Variants in CIART observed in about 807,000 individuals in gnomAD.
The protein encoded by CIART is circadian associated repressor of transcription.
In CIART, 7 loss-of-function variants were observed where a neutral mutation model predicts 22.1. That is an observed-to-expected ratio of 0.32 (90% CI 0.18 to 0.59). The LOEUF is 0.59. Ranked by LOEUF, CIART falls within the 20% of genes least tolerant of loss-of-function variation. The pLI, the probability that CIART is intolerant of heterozygous loss-of-function variation, is 0.86. For missense variants in CIART, 440 were observed against 478.0 expected, an observed-to-expected ratio of 0.92 and a Z score of 0.74; for synonymous variants, 163 against 174.6, an observed-to-expected ratio of 0.93 and a Z score of 0.53.
rs1241769864 is a variant in CIART, at chr1:150,287,031, G to C, written c.*77G>C. 3 of 1,298,508 alleles carry C rather than the reference G, an allele frequency of 2.3e-6. No homozygotes were observed. The highest frequency in any genetic ancestry group is 5.3e-5 in the East Asian group (2 of 37,720). 80.4% of individuals were successfully genotyped at this position (1,298,508 alleles called of 1,614,324 possible). A position where few individuals can be genotyped will look rare whatever the true frequency, so the allele number is the denominator to read the frequency against. On this transcript the variant is annotated 3_prime_UTR_variant, in exon 5 of 5. Coordinates refer to ENST00000290363, the MANE Select transcript of CIART (RefSeq NM_144697.4). The stretch of plus-strand genomic sequence containing the variant: ...GTATATATGTATTTTTACTATTAAT[G>C]TGTGCATTTGTGTTGAGGGAAGATA...
chr1:150,285,405 GCA>G (rs1653431450), intron 4 of CIART: 2 of 152,418 alleles, frequency 1.3e-5, no homozygotes, highest in African/African-American at 4.8e-5. Context: ...GCATGGTGGC[GCA>G]CGCCTGTAGT....
At position 150,284,475 on chromosome 1, in the gene CIART, T is replaced by C; in HGVS notation, c.492T>C (p.Ile164=). ...QSVAMDRIQR[I]VGVLQKPQMG... ...TGGCAATGGACAGGATCCAGCGTAT[T>C]GTAGGTGTTTTGCAGAAGCCACAGA... The change falls in exon 3 of 5, where the codon ATT becomes ATC. Residue 164 remains isoleucine, a synonymous_variant. Coordinates refer to ENST00000290363, the MANE Select transcript of CIART (RefSeq NM_144697.4). The C allele has an allele frequency of 6.2e-7, 1 of 1,613,188 alleles. No individual in the cohort carries two copies. The highest frequency in any genetic ancestry group is 8.5e-7 in the Non-Finnish European group (1 of 1,179,100).
rs939607694 is a variant in CIART, at chr1:150,283,581, G to T, written c.314G>T (p.Ser105Ile). 3 of 1,614,082 alleles carry T rather than the reference G, an allele frequency of 1.9e-6. No individual in the cohort carries two copies. The highest frequency in any genetic ancestry group is 2.5e-6 in the Non-Finnish European group (3 of 1,179,908). ...KRSRDGELETSLNTQGCTTEG... is the reference protein window; with the variant it reads ...KRSRDGELETILNTQGCTTEG... ...TCAAGAGATGGTGAACTGGAGACCA[G>T]TCTAAACACCCAAGGTTGTACCACA... is the stretch of plus-strand genomic sequence containing the variant. The change falls in exon 1 of 5, where the codon AGT (serine) becomes ATT (isoleucine). Residue 105 changes from serine (S) to isoleucine (I), a missense_variant. By Grantham distance (142) the Ser-to-Ile change is moderately radical. Coordinates refer to ENST00000290363, the MANE Select transcript of CIART (RefSeq NM_144697.4).
chr1:150,285,632 A>C (rs899137144), intron 4 of CIART: 2 of 152,140 alleles, frequency 1.3e-5, no homozygotes, highest in African/African-American at 4.8e-5. Flanking sequence ...GTAGATAATC[A>C]CCAGTCCTAA....
intron 4 of CIART, among the ~76,000 whole-genome samples, chr1:150,286,090 C>T (rs2101893946): frequency 9.3e-6 from 1 of 107,386 alleles, no homozygotes; most frequent in East Asian, 3.2e-4. Flanking sequence ...ATGATGATTC[C>T]AATTAAAAAT....
rs587714734 is a variant in CIART, at chr1:150,284,162, C to T, written c.443-264C>T. On this transcript the variant is annotated intron_variant, in intron 2 of 4. Coordinates refer to ENST00000290363, the MANE Select transcript of CIART (RefSeq NM_144697.4). ...CCTCCCCAGTCGCTGGGATTACAGG[C>T]GCCCACCACCATGCCCAGCTAATTT... 8.5e-4 allele frequency among the ~76,000 whole-genome samples: 129 copies of T among 152,106 alleles called. 1 individual carries two copies. Among genetic ancestry groups the T allele is most frequent in the African/African-American group, 3.0e-3 (125 of 41,486 alleles).
intron 2 of CIART, 37 bp from the exon 3 acceptor site, chr1:150,284,389 A>G (rs1653360998): frequency 2.6e-6 from 4 of 1,528,116 alleles, no homozygotes; most frequent in Non-Finnish European, 3.6e-6. Flanking sequence ...ACATGCTTGA[A>G]TCTCAATCCT....
Position 150,283,854 on chromosome 1 carries a change from G to T in CIART, c.416G>T (p.Gly139Val). The change falls in exon 2 of 5, where the codon GGG (glycine) becomes GTG (valine). Residue 139 changes from glycine (G) to valine (V), a missense_variant. By Grantham distance (109) the Gly-to-Val change is moderately radical (BLOSUM62 -3). Coordinates refer to ENST00000290363, the MANE Select transcript of CIART (RefSeq NM_144697.4). ...FIPPLTDLLN[G>V]LKMGRFERGL... ...CCTCCTCTCACAGACCTACTCAATG[G>T]GCTGAAGATGGGTCGTTTTGAGAGA... The T allele has an allele frequency of 6.3e-7, 1 of 1,592,440 alleles. No individual in the cohort carries two copies. The highest frequency in any genetic ancestry group is 2.2e-5 in the East Asian group (1 of 44,776).
rs1653276134 is a variant in CIART, at chr1:150,283,471, G to A, written c.204G>A (p.Ser68=). 1.2e-6 allele frequency: 2 copies of A among 1,614,096 alleles called. No homozygotes were observed. Among genetic ancestry groups the A allele is most frequent in the East Asian group, 2.2e-5 (1 of 44,890 alleles). Residue 68 remains serine (S), a synonymous_variant, in exon 1 of 5, where the codon TCG becomes TCA. Coordinates refer to ENST00000290363, the MANE Select transcript of CIART (RefSeq NM_144697.4). ...SPGPIRCRHR[S]KVSGNQHTPS... The stretch of plus-strand genomic sequence containing the variant: ...GTCCTATCCGCTGCAGGCATCGATC[G>A]AAGGTTTCCGGTAACCAGCATACAC...
At chr1:150,284,098 A>T (rs1653335547) in intron 2 of CIART, among the ~76,000 whole-genome samples, 1 of 151,906 alleles carries the variant, frequency 6.6e-6, no homozygotes, top group Non-Finnish European at 1.5e-5. Flanking sequence ...GCTCACTGCA[A>T]CTTCCACCTC....
At position 150,286,555 on chromosome 1, in the gene CIART, GC is replaced by G; in HGVS notation, c.761del (p.Pro254GlnfsTer3). 6.2e-7 allele frequency: 1 copy of G among 1,603,984 alleles called. No individual in the cohort carries two copies. The highest frequency in any genetic ancestry group is 8.5e-7 in the Non-Finnish European group (1 of 1,171,426). On this transcript the variant is annotated frameshift_variant, in exon 5 of 5. Transcript: ENST00000290363. LOFTEE classifies it low-confidence loss of function (END_TRUNC). ...PKQPWHLTQW[P>X]AMNLTWIHTT... ...AGCAGCCTTGGCACCTCACACAATG[GC>G]CAGCTATGAACCTCACCTGGATCCA... is the stretch of plus-strand genomic sequence containing the variant.
At chr1:150,286,356 GT>G (rs1653481908) in intron 4 of CIART, 73 bp from the exon 5 acceptor site, 17 of 1,362,700 alleles carry the variant, frequency 1.2e-5, no homozygotes, top group Non-Finnish European at 1.4e-5. Flanking sequence ...GAATGCAAAG[GT>G]TTAAGTAACC....
At chr1:150,286,350 G>T in intron 4 of CIART, 80 bp from the exon 5 acceptor site, 1 of 1,299,846 alleles carries the variant, frequency 7.7e-7, no homozygotes, top group Non-Finnish European at 1.1e-6. Context: ...CCCAAGGAAT[G>T]CAAAGGTTTA....
Position 150,286,700 on chromosome 1 carries a change from C to G in CIART, c.904C>G (p.Pro302Ala). Residue 302 changes from proline (P) to alanine (A), a missense_variant, in exon 5 of 5, where the codon CCC becomes GCC. By Grantham distance (27) the Pro-to-Ala change is conservative. Transcript: ENST00000290363. ...VILFLQHGVQ[P>A]FTHSAPTTPV... Reference sequence around the variant, plus strand: ...TCTTTTCCTCCAGCATGGAGTGCAACCCTTCACCCACTCTGCCCCAACCAC... The same window carrying G: ...TCTTTTCCTCCAGCATGGAGTGCAAGCCTTCACCCACTCTGCCCCAACCAC... The G allele has an allele frequency of 6.2e-7, 1 of 1,614,094 alleles. No homozygotes were observed. The highest frequency in any genetic ancestry group is 1.1e-5 in the South Asian group (1 of 91,084).
intron 1 of CIART, 45 bp downstream of exon 1, chr1:150,283,678 C>T: frequency 6.2e-7 from 1 of 1,601,016 alleles, no homozygotes; most frequent in Non-Finnish European, 8.6e-7. Flanking sequence ...AGTGCCTTAG[C>T]ACCCAGCTGG....
chr1:150,283,317 C>T lies in CIART; in HGVS notation c.50C>T (p.Ser17Leu). Residue 17 changes from serine (S) to leucine (L), a missense_variant, in exon 1 of 5, where the codon TCG (serine) becomes TTG (leucine). By Grantham distance (145) the Ser-to-Leu change is moderately radical (BLOSUM62 -2). Coordinates refer to ENST00000290363, the MANE Select transcript of CIART (RefSeq NM_144697.4). The part of the protein sequence containing the change: ...VSSYSSYSLS[S>L]SFPTSPVNSD... ...TCCTATTCCTCCTACTCTCTCTCTTCGTCTTTTCCCACCTCCCCAGTGAAC... is the reference window on the plus strand; with the variant it reads ...TCCTATTCCTCCTACTCTCTCTCTTTGTCTTTTCCCACCTCCCCAGTGAAC... 6.5e-7 allele frequency: 1 copy of T among 1,540,948 alleles called. No individual in the cohort carries two copies. Among genetic ancestry groups the T allele is most frequent in the Non-Finnish European group, 8.7e-7 (1 of 1,146,458 alleles).
intron 4 of CIART, chr1:150,285,475 G>A (rs1653435769): frequency 6.5e-6 from 1 of 154,340 alleles, no homozygotes; most frequent in Admixed American, 6.6e-5. Flanking sequence ...GGCAGAGGTT[G>A]CGGTGAGCCG....
At chr1:150,284,546 A>G (rs1653373032) in intron 3 of CIART, 42 bp downstream of exon 3, 1 of 1,595,198 alleles carries the variant, frequency 6.3e-7, no homozygotes, top group African/African-American at 1.3e-5. Flanking sequence ...CATAAAAAGG[A>G]GATTTCTCCA....
intron 4 of CIART, 42 bp from the exon 5 acceptor site, chr1:150,286,388 C>A: frequency 6.7e-7 from 1 of 1,493,510 alleles, no homozygotes; most frequent in South Asian, 1.2e-5. Flanking sequence ...CATCTGAATG[C>A]TTTCTCCACA....
Sources: gnomAD v4.1 joint callset for allele counts (sites outside exome capture counted in the v4.1 genomes callset) on GRCh38, gnomAD v4.1.1 for gene constraint, MANE v1.5 for transcripts, NCBI Gene and HGNC (gene_info 2026-07-23, HGNC 2026-07-21) for gene names.